PPWD1: variants seen among roughly 807,000 people sequenced by gnomAD.
PPWD1 encodes peptidylprolyl isomerase domain and WD repeat-containing protein 1.
PPWD1 carries 43 observed loss-of-function variants against 68.8 expected under a neutral mutation model. That is an observed-to-expected ratio of 0.62 (90% CI 0.49 to 0.81). The LOEUF (loss-of-function observed/expected upper bound fraction) is 0.81, where lower values mean the gene tolerates loss of function less well. PPWD1 is among the 30% of genes least tolerant of loss of function. The pLI is 0.00. For missense variants in PPWD1, 672 were observed against 804.8 expected, an observed-to-expected ratio of 0.83 and a Z score of 2.00; for synonymous variants, 232 against 258.7, an observed-to-expected ratio of 0.90 and a Z score of 0.99.
chr5:65,575,590 A>G (rs1170777566), intron 5 of PPWD1, among the ~76,000 whole-genome samples: 2 of 152,238 alleles, frequency 1.3e-5, no homozygotes, highest in African/African-American at 4.8e-5. Context: ...TTCATCTGCA[A>G]TGGAGAGCTA....
chr5:65,582,257 CAG>C (rs754798628), intron 7 of PPWD1, among the ~76,000 whole-genome samples: 36 of 152,138 alleles, frequency 2.4e-4, no homozygotes, highest in Non-Finnish European at 4.7e-4. Flanking sequence ...TTGAGAAGTC[CAG>C]AGTTTTAACA....
intron 2 of PPWD1, 46 bp from the exon 3 acceptor site, chr5:65,569,586 C>G (rs757655272): frequency 6.6e-7 from 1 of 1,508,680 alleles, no homozygotes; most frequent in South Asian, 1.3e-5. Context: ...CTAAGTGATT[C>G]ATAGATCTGT....
chr5:65,584,222 T>A (rs1462696236), intron 8 of PPWD1, among the ~76,000 whole-genome samples: 5 of 152,172 alleles, frequency 3.3e-5, no homozygotes, highest in African/African-American at 9.7e-5. Flanking sequence ...AGTCTCACTT[T>A]AAGTGCTCAA....
chr5:65,576,340 A>C, intron 5 of PPWD1: 1 of 983,206 alleles, frequency 1.0e-6, no homozygotes, highest in Non-Finnish European at 1.2e-6. Flanking sequence ...TTTTGTTTTA[A>C]ATTAGAAGAA....
chr5:65,575,163 T>C (rs1031874950), intron 5 of PPWD1, among the ~76,000 whole-genome samples: 4 of 152,210 alleles, frequency 2.6e-5, no homozygotes, highest in African/African-American at 9.6e-5. Context: ...CTGAAAAAGA[T>C]TCTGATCAGG....
intron 5 of PPWD1, among the ~76,000 whole-genome samples, chr5:65,573,516 G>GTTTTTGTTTTTTT (rs1753123793): frequency 6.5e-5 from 1 of 15,436 alleles, no homozygotes; most frequent in Non-Finnish European, 1.3e-4. Context: ...AGTACAGATG[G>GTTTTTGTTTTTTT]TTTTTTTTTT....
chr5:65,582,411 A>C (rs1753634235), intron 7 of PPWD1: 1 of 152,160 alleles, frequency 6.6e-6, no homozygotes, highest in South Asian at 2.1e-4. Context: ...TTAAGGATCC[A>C]TTTCAGATTC....
At position 65,569,715 on chromosome 5, in the gene PPWD1, A is replaced by G; in HGVS notation, c.383A>G (p.His128Arg). The change falls in exon 3 of 11, where the codon CAT becomes CGT. Residue 128 changes from histidine to arginine, a missense_variant. By Grantham distance (29) the His-to-Arg change is conservative (BLOSUM62 0). Around this residue, in one of 2 missense-constraint regions of PPWD1, gnomAD observed 484 missense variants for 646.2 expected, o/e 0.75. Transcript: ENST00000261308. Reference protein sequence around the residue: ...KIEEGIEFVKHFRSHLGVIES... With the variant: ...KIEEGIEFVKRFRSHLGVIES... ...GAAGAGGGAATTGAATTTGTTAAAC[A>G]TTTTCGTAGTCACCTGGGTAAGAAT... The G allele has an allele frequency of 6.2e-7, 1 of 1,609,946 alleles. No individual in the cohort carries two copies. Among genetic ancestry groups the G allele is most frequent in the Non-Finnish European group, 8.5e-7 (1 of 1,177,670 alleles).
intron 10 of PPWD1, among the ~76,000 whole-genome samples, chr5:65,586,762 C>G (rs764280312): frequency 6.6e-6 from 1 of 152,136 alleles, no homozygotes; most frequent in East Asian, 1.9e-4. Flanking sequence ...CTTCTACTAT[C>G]AGTATCCCCA....
At chr5:65,577,149 ATTGT>A in intron 6 of PPWD1, 80 bp downstream of exon 6, 1 of 1,486,672 alleles carries the variant, frequency 6.7e-7, no homozygotes, top group South Asian at 1.5e-5. Context: ...CAGTGGGAGT[ATTGT>A]TTGTTCCAAG....
At chr5:65,565,244 C>T (rs1383555134) in intron 1 of PPWD1, among the ~76,000 whole-genome samples, 1 of 152,130 alleles carries the variant, frequency 6.6e-6, no homozygotes. Flanking sequence ...TGTTTCATTG[C>T]TTGGTGTACA....
Position 65,576,877 on chromosome 5 carries a change from A to G in PPWD1, c.970-2A>G. The stretch of plus-strand genomic sequence containing the variant: ...TTTGTTACTAAATGGTTTATTTCCT[A>G]GATGTTTACTGAACTGCAACAGATG... On this transcript the variant is annotated splice_acceptor_variant, in intron 5 of 10. Coordinates refer to ENST00000261308, the MANE Select transcript of PPWD1 (RefSeq NM_015342.4). LOFTEE classifies it high-confidence loss of function. 6.2e-7 allele frequency: 1 copy of G among 1,613,666 alleles called. No homozygotes were observed. The highest frequency in any genetic ancestry group is 8.5e-7 in the Non-Finnish European group (1 of 1,179,720).
Position 65,586,116 on chromosome 5 carries a change from C to T in PPWD1, c.1732C>T (p.Leu578Phe). 1 of 1,613,354 alleles carries T rather than the reference C, an allele frequency of 6.2e-7. No individual in the cohort carries two copies. Among genetic ancestry groups the T allele is most frequent in the Admixed American group, 1.7e-5 (1 of 59,954 alleles). ...STLRHDRPYTLSMANAGSNTN... is the reference protein window; with the variant it reads ...STLRHDRPYTFSMANAGSNTN... ...ATTACGACATGACAGGCCATACACA[C>T]TCAGCATGGCTAACGCGGGATCAAA... The change falls in exon 10 of 11, where the codon CTC (leucine) becomes TTC (phenylalanine). Residue 578 changes from leucine (L) to phenylalanine (F), a missense_variant. By Grantham distance (22) the Leu-to-Phe change is conservative. Around this residue, in one of 2 missense-constraint regions of PPWD1, gnomAD observed 484 missense variants for 646.2 expected, o/e 0.75. Coordinates refer to ENST00000261308, the MANE Select transcript of PPWD1 (RefSeq NM_015342.4).
At chr5:65,563,593 T>A in intron 1 of PPWD1, 87 bp downstream of exon 1, 1 of 1,464,342 alleles carries the variant, frequency 6.8e-7, no homozygotes, top group Non-Finnish European at 9.2e-7. Context: ...AGGGATGATG[T>A]GTGGAGTTTT....
rs1469104397 is a variant in PPWD1, at chr5:65,567,605, G to A, written c.289G>A (p.Val97Ile). The A allele has an allele frequency of 1.3e-6, 2 of 1,599,712 alleles. No homozygotes were observed. The highest frequency in any genetic ancestry group is 3.4e-5 in the Admixed American group (2 of 59,146). Reference sequence around the variant, plus strand: ...GCATAGAGATGTTATCACCCATGTGGTATGCACCAAGTAAGTCTATCACAT... The same window carrying A: ...GCATAGAGATGTTATCACCCATGTGATATGCACCAAGTAAGTCTATCACAT... ...YMHRDVITHV[V>I]CTKTDFIITA... The change falls in exon 2 of 11, where the codon GTA becomes ATA. Residue 97 changes from valine to isoleucine, a missense_variant. This residue lies in a region of PPWD1 where 188 missense variants were observed against 158.6 expected (regional missense o/e 1.19). Transcript: ENST00000261308.
intron 2 of PPWD1, 26 bp downstream of exon 2, chr5:65,567,641 TTGTTC>T (rs1410222471): frequency 1.3e-6 from 2 of 1,525,540 alleles, no homozygotes; most frequent in Non-Finnish European, 1.8e-6. Flanking sequence ...CTTTTTTACT[TTGTTC>T]TGAGTTTATT....
At chr5:65,577,556 A>T (rs1365621152) in intron 6 of PPWD1, among the ~76,000 whole-genome samples, 1 of 152,236 alleles carries the variant, frequency 6.6e-6, no homozygotes, top group African/African-American at 2.4e-5. Context: ...ACAGAACTTA[A>T]TATTTTAAGG....
intron 6 of PPWD1, 61 bp from the exon 7 acceptor site, chr5:65,579,363 G>A: frequency 7.2e-7 from 1 of 1,397,526 alleles, no homozygotes; most frequent in Non-Finnish European, 9.4e-7. Flanking sequence ...TATCTGTAAA[G>A]TTGTCATAAT....
At chr5:65,584,592 C>T (rs951614908) in intron 8 of PPWD1, among the ~76,000 whole-genome samples, 1 of 152,194 alleles carries the variant, frequency 6.6e-6, no homozygotes. Flanking sequence ...TACAGTGGCT[C>T]AGGCCTGTAA....
Sources: gnomAD v4.1 joint callset for allele counts (sites outside exome capture counted in the v4.1 genomes callset) on GRCh38, gnomAD v4.1.1 for gene constraint, gnomAD v4.1.1 regional missense constraint, MANE v1.5 for transcripts, NCBI Gene and HGNC (gene_info 2026-07-23, HGNC 2026-07-21) for gene names.